Variants in KAT14 observed in about 807,000 individuals in gnomAD.
KAT14 encodes lysine acetyltransferase 14, also known as cysteine-rich protein 2-binding protein.
In KAT14, 66 loss-of-function variants were observed where a neutral mutation model predicts 78.4. That is an observed-to-expected ratio of 0.84 (90% CI 0.69 to 1.03). The LOEUF is 1.03. KAT14 is among the 50% of genes least tolerant of loss of function. The pLI, the probability that KAT14 is intolerant of heterozygous loss-of-function variation, is 0.00. For synonymous variants in KAT14, 344 were observed against 359.4 expected (o/e 0.96, Z 0.48); for missense variants, 870 against 972.5 (o/e 0.89, Z 1.40).
At chr20:18,164,149 T>C (rs1568669332) in intron 7 of KAT14, among the ~76,000 whole-genome samples, 2 of 152,048 alleles carry the variant, frequency 1.3e-5, no homozygotes, top group Non-Finnish European at 2.9e-5. Context: ...TCCTCTTTTC[T>C]TTTTTTTCCT....
chr20:18,143,040 C>T, intron 2 of KAT14, 121 bp downstream of exon 2: 1 of 1,446,778 alleles, frequency 6.9e-7, no homozygotes, highest in Non-Finnish European at 9.1e-7. Flanking sequence ...TATTTATTCT[C>T]TAGTTGATCA....
At chr20:18,183,337 G>C in intron 9 of KAT14, 39 bp downstream of exon 9, 1 of 1,573,254 alleles carries the variant, frequency 6.4e-7, no homozygotes, top group Non-Finnish European at 8.6e-7. Context: ...TCATTTTTCT[G>C]TACAGTCCAT....
rs760497856 is a variant in KAT14, at chr20:18,187,488, G to A, written c.*29G>A. On this transcript the variant is annotated 3_prime_UTR_variant, in exon 11 of 11. Coordinates refer to ENST00000688188, the MANE Select transcript of KAT14 (RefSeq NM_001392073.1). The stretch of plus-strand genomic sequence containing the variant: ...GAATACAGCTCACAGAGAAACGCAT[G>A]TGCTATTGGAGAACAGGTCTTTGTG... The A allele has an allele frequency of 2.5e-6, 4 of 1,612,624 alleles. No individual in the cohort carries two copies. In the Admixed American group the frequency reaches 6.7e-5, roughly 27 times the overall value.
chr20:18,172,007 T>C (rs943537686), intron 7 of KAT14, among the ~76,000 whole-genome samples: 1 of 152,224 alleles, frequency 6.6e-6, no homozygotes, highest in African/African-American at 2.4e-5. Context: ...CAGATGATCA[T>C]TGGCATTTTT....
intron 4 of KAT14, among the ~76,000 whole-genome samples, chr20:18,156,802 A>G (rs367986573): frequency 6.2e-4 from 95 of 152,246 alleles, no homozygotes; most frequent in African/African-American, 2.1e-3. Flanking sequence ...CCCTTTGTGT[A>G]AGGACACCAG....
At chr20:18,185,326 C>T (rs1350291699) in intron 10 of KAT14, among the ~76,000 whole-genome samples, 1 of 152,132 alleles carries the variant, frequency 6.6e-6, no homozygotes, top group Non-Finnish European at 1.5e-5. Flanking sequence ...TTTCCCGCCT[C>T]AGCCTTCTGG....
At chr20:18,150,165 C>T (rs925973478) in intron 3 of KAT14, among the ~76,000 whole-genome samples, 8 of 152,056 alleles carry the variant, frequency 5.3e-5, no homozygotes, top group Admixed American at 3.3e-4. Flanking sequence ...TGTCTTGGAG[C>T]GCTCTGAAAA....
chr20:18,143,043 G>C, intron 2 of KAT14, 124 bp downstream of exon 2: 1 of 1,443,846 alleles, frequency 6.9e-7, no homozygotes, highest in Non-Finnish European at 9.1e-7. Flanking sequence ...TTATTCTCTA[G>C]TTGATCAGCT....
intron 2 of KAT14, among the ~76,000 whole-genome samples, chr20:18,143,989 C>G (rs908953590): frequency 1.3e-5 from 2 of 152,174 alleles, no homozygotes; most frequent in Admixed American, 1.3e-4. Flanking sequence ...GCTTGCCAGC[C>G]ATCATATGGT....
chr20:18,142,378 T>C lies in KAT14; in HGVS notation c.-283T>C, dbSNP rs11299. 0.095 allele frequency: 145,321 copies of C among 1,531,726 alleles called. 8,102 individuals are homozygous for C. Among genetic ancestry groups the C allele is most frequent in the East Asian group, 0.24 (9,934 of 40,812 alleles). The allele number at this position is 1,531,726 out of a possible 1,614,324, so 94.9% of individuals were successfully genotyped here. On this transcript the variant is annotated 5_prime_UTR_variant, in exon 2 of 11. Transcript: ENST00000688188. The stretch of plus-strand genomic sequence containing the variant: ...CATGACTTGAATGTGAAATATCTGT[T>C]GGACAGACAACACGAGTTTGTGTGT...
chr20:18,184,505 G>A (rs540390492), intron 9 of KAT14, 97 bp from the exon 10 acceptor site: 162 of 577,648 alleles, frequency 2.8e-4, no homozygotes, highest in South Asian at 8.8e-4. Flanking sequence ...TTTTTTTTTA[G>A]CATGCAGGTG....
At chr20:18,166,082 T>C (rs189128901) in intron 7 of KAT14, among the ~76,000 whole-genome samples, 2 of 152,306 alleles carry the variant, frequency 1.3e-5, no homozygotes, top group African/African-American at 4.8e-5. Context: ...AGATAATCGG[T>C]GCTGCGAAGA....
rs181196765 is a variant in KAT14, at chr20:18,151,517, G to A, written c.500+575G>A. On this transcript the variant is annotated intron_variant, in intron 4 of 10. Transcript: ENST00000688188. ...TGGCCTTATATTTTTGTAGAGACAG[G>A]GGTCTCGTGTTGTCTCAGGCTGGTT... Among the ~76,000 whole-genome samples, 843 of 140,236 alleles carry A rather than the reference G, an allele frequency of 6.0e-3. 3 individuals are homozygous for A. The highest frequency in any genetic ancestry group is 9.2e-3 in the South Asian group (44 of 4,758). The allele number at this position is 140,236 out of a possible 152,430, so 92.0% of individuals were successfully genotyped here.
chr20:18,164,427 A>T (rs1205197), intron 7 of KAT14, among the ~76,000 whole-genome samples: 149,788 of 152,196 alleles, frequency 0.98, 73,715 homozygotes, highest in East Asian at 1. Context: ...AAAGAGCCTC[A>T]CAATCCATAG....
At chr20:18,152,924 A>G (rs1311750340) in intron 4 of KAT14, among the ~76,000 whole-genome samples, 3 of 152,100 alleles carry the variant, frequency 2.0e-5, no homozygotes, top group African/African-American at 4.8e-5. Flanking sequence ...TTGCGACCAT[A>G]TATTTTCACT....
At chr20:18,164,635 G>C (rs1375704815) in intron 7 of KAT14, among the ~76,000 whole-genome samples, 2 of 95,818 alleles carry the variant, frequency 2.1e-5, no homozygotes, top group African/African-American at 8.2e-5. Flanking sequence ...TTTTTTTTTT[G>C]AGACATGGTC....
rs972721082 is a variant in KAT14 at position 18,143,073 on chromosome 20, A to T, written c.259+154A>T. 8 of 1,417,884 alleles carry T rather than the reference A, an allele frequency of 5.6e-6. No individual in the cohort carries two copies. The Admixed American group carries it at 2.3e-4, about 40-fold the overall frequency. 87.8% of individuals were successfully genotyped at this position (1,417,884 alleles called of 1,614,324 possible). A position where few individuals can be genotyped will look rare whatever the true frequency, so the allele number is the denominator to read the frequency against. On this transcript the variant is annotated intron_variant, in intron 2 of 10. Coordinates refer to ENST00000688188, the MANE Select transcript of KAT14 (RefSeq NM_001392073.1). ...TCAGCTATAAATTTATATAAAACAT[A>T]GGCATGTTTGTACTAATGAAACGTA...
intron 3 of KAT14, among the ~76,000 whole-genome samples, chr20:18,147,810 TC>T (rs2037880469): frequency 6.6e-6 from 1 of 152,226 alleles, no homozygotes; most frequent in African/African-American, 2.4e-5. Context: ...GGTCTCGAAC[TC>T]CTGACCTCAG....
intron 7 of KAT14, among the ~76,000 whole-genome samples, chr20:18,167,573 A>AT (rs1291715166): frequency 6.6e-6 from 1 of 152,100 alleles, no homozygotes; most frequent in Non-Finnish European, 1.5e-5. Context: ...TTTAGCTGTG[A>AT]TTCTTGACTT....
Sources: gnomAD v4.1 joint callset for allele counts (sites outside exome capture counted in the v4.1 genomes callset) on GRCh38, gnomAD v4.1.1 for gene constraint, MANE v1.5 for transcripts, NCBI Gene and HGNC (gene_info 2026-07-23, HGNC 2026-07-21) for gene names.